The following CDH18 variants were observed in gnomAD, a reference collection of about 807,000 sequenced individuals.
The protein encoded by CDH18 is cadherin-18.
In CDH18, 31 loss-of-function variants were observed where a neutral mutation model predicts 67.9. The ratio of observed to expected loss-of-function variants is 0.46; its 90% CI spans 0.34 to 0.62. The LOEUF is 0.62. Ranked by LOEUF, CDH18 falls within the 20% of genes least tolerant of loss-of-function variation. The pLI, the probability that CDH18 is intolerant of heterozygous loss-of-function variation, is 0.01. For missense variants in CDH18, 890 were observed against 975.5 expected, an observed-to-expected ratio of 0.91 and a Z score of 1.17; for synonymous variants, 362 against 347.2, an observed-to-expected ratio of 1.04 and a Z score of -0.48.
intron 2 of CDH18, among the ~76,000 whole-genome samples, chr5:19,912,812 G>C (rs1791297651): frequency 6.6e-6 from 1 of 152,112 alleles, no homozygotes; most frequent in South Asian, 2.1e-4. Context: ...CACAATAGGA[G>C]AGAGCAGGGC....
intron 1 of CDH18, among the ~76,000 whole-genome samples, chr5:20,289,191 T>C (rs2974589): frequency 0.5 from 76,198 of 151,696 alleles, 19,673 homozygotes; most frequent in East Asian, 0.7. Flanking sequence ...TAAATGTATA[T>C]TAGCTCACTT....
In CDH18 at chr5:20,284,324, C is replaced by T. The variant is rs190615176; in HGVS notation, c.-579-28819G>A. Among the ~76,000 whole-genome samples the T allele has an allele frequency of 1.8e-4, 27 of 151,926 alleles. No individual in the cohort carries two copies. The East Asian group carries it at 4.8e-3, about 27-fold the overall frequency. ...CACATTTAACCTGATGTGGTGCATG[C>T]CTGCATCAAAATATCTCGTGTAACC... is the stretch of plus-strand genomic sequence containing the variant. On this transcript the variant is annotated intron_variant, in intron 1 of 14. Transcript: ENST00000507958.
intron 2 of CDH18, among the ~76,000 whole-genome samples, chr5:19,896,375 A>G (rs558332880): frequency 6.6e-5 from 10 of 152,220 alleles, no homozygotes; most frequent in African/African-American, 2.4e-4. Context: ...AATAAATAAA[A>G]TAAAGAGCTT....
intron 2 of CDH18, among the ~76,000 whole-genome samples, chr5:20,172,240 G>GTATGTATACGTATATATATATGTA (rs1736878990): frequency 1.6e-5 from 1 of 64,128 alleles, no homozygotes; most frequent in African/African-American, 6.3e-5. Context: ...ATATATATAT[G>GTATGTATACGTATATATATATGTA]TATATATATA....
At chr5:19,529,867 C>A (rs975643299) in intron 9 of CDH18, among the ~76,000 whole-genome samples, 3 of 152,070 alleles carry the variant, frequency 2.0e-5, no homozygotes, top group African/African-American at 7.2e-5. Context: ...GGTGTCCATG[C>A]TCCCAAATTG....
intron 3 of CDH18, among the ~76,000 whole-genome samples, chr5:19,797,087 A>G (rs929622798): frequency 1.3e-5 from 2 of 152,046 alleles, no homozygotes; most frequent in African/African-American, 4.8e-5. Flanking sequence ...TAAAATAATT[A>G]GAGAAGGCAT....
In CDH18 at chr5:20,267,102, T is replaced by C. The variant is rs529182055; in HGVS notation, c.-579-11597A>G. Among the ~76,000 whole-genome samples, 27 of 152,316 alleles carry C rather than the reference T, an allele frequency of 1.8e-4. No homozygotes were observed. The South Asian group carries it at 5.2e-3, about 29-fold the overall frequency. On this transcript the variant is annotated intron_variant, in intron 1 of 14. Coordinates refer to the CDH18 transcript ENST00000507958. ...GGCAGTATTCATGGTTCAGATAGTT[T>C]AAAGAAAATGTGCAGAATTTATATA...
intron 2 of CDH18, among the ~76,000 whole-genome samples, chr5:19,954,885 C>T (rs188821717): frequency 1.6e-4 from 24 of 151,582 alleles, no homozygotes; most frequent in South Asian, 6.2e-4. Flanking sequence ...ACTGAAGATA[C>T]GACTGCACAA....
At chr5:19,554,242 A>G (rs1477542543) in intron 8 of CDH18, among the ~76,000 whole-genome samples, 1 of 152,174 alleles carries the variant, frequency 6.6e-6, no homozygotes, top group Non-Finnish European at 1.5e-5. Flanking sequence ...ATGCAATTAT[A>G]ATGTTTCTTC....
chr5:19,683,631 T>C (rs1760649212), intron 5 of CDH18, among the ~76,000 whole-genome samples: 1 of 152,076 alleles, frequency 6.6e-6, no homozygotes, highest in South Asian at 2.1e-4. Flanking sequence ...AATCTGATAA[T>C]GGGCATTTAT....
At chr5:19,962,395 A>AAAAAAAAAAAAAAAAAAAAT (rs58319680) in intron 2 of CDH18, among the ~76,000 whole-genome samples, 12 of 117,056 alleles carry the variant, frequency 1.0e-4, no homozygotes, top group Non-Finnish European at 1.2e-4. Flanking sequence ...AAAAAAAAAA[A>AAAAAAAAAAAAAAAAAAAAT]AGAAAATTCA....
rs563537010 is a variant in CDH18, at chr5:19,597,803, C to T, written c.812-6559G>A. Among the ~76,000 whole-genome samples, 102 of 152,230 alleles carry T rather than the reference C, an allele frequency of 6.7e-4. 4 individuals are homozygous for T. In the South Asian group the frequency reaches 0.018, roughly 28 times the overall value. On this transcript the variant is annotated intron_variant, in intron 6 of 12. Coordinates refer to ENST00000382275, the MANE Select transcript of CDH18 (RefSeq NM_004934.5). ...GAACCATGATCATCCCCTTATATAA[C>T]TTAAAAATATTAATGTAATGTGTTT...
In CDH18 at chr5:20,413,010, G is replaced by A. The variant is rs184242607; in HGVS notation, c.-579-157505C>T. Among the ~76,000 whole-genome samples, 420 of 152,232 alleles carry A rather than the reference G, an allele frequency of 2.8e-3. 5 individuals are homozygous for A. Among genetic ancestry groups the A allele is most frequent in the African/African-American group, 9.6e-3 (399 of 41,546 alleles). On this transcript the variant is annotated intron_variant, in intron 1 of 14. Transcript: ENST00000507958. ...CCGGTGTGTGATGCTCCCGCCCTGC[G>A]TCCAAGTGTTCTCATTGTTCAATTC...
rs377032850 is a variant in CDH18 at position 20,228,609 on chromosome 5, A to G, written c.-518+26835T>C. Among the ~76,000 whole-genome samples the G allele has an allele frequency of 2.6e-5, 4 of 152,154 alleles. No individual in the cohort carries two copies. In the East Asian group the frequency reaches 5.8e-4, roughly 22 times the overall value. On this transcript the variant is annotated intron_variant, in intron 2 of 14. Transcript: ENST00000507958. ...ACTGAAATTTTGTGTTCTATGACCA[A>G]CATCTCACCAACCCCTCTCTCTGCT...
At chr5:19,985,021 T>C (rs1305033838) in intron 1 of CDH18, among the ~76,000 whole-genome samples, 3 of 152,144 alleles carry the variant, frequency 2.0e-5, no homozygotes, top group African/African-American at 7.2e-5. Context: ...AGAACCAGTA[T>C]CTTTATTTAT....
intron 7 of CDH18, among the ~76,000 whole-genome samples, chr5:19,582,396 G>C (rs796733920): frequency 1.3e-5 from 2 of 152,004 alleles, no homozygotes; most frequent in African/African-American, 4.8e-5. Context: ...CAATCAATTA[G>C]CTTTCAATGA....
In CDH18 at chr5:20,229,247, A is replaced by T. The variant is rs531017684; in HGVS notation, c.-518+26197T>A. ...TTATATGTTGTTTACTGAAGTCAAT[A>T]AAAGATTATTTTTGATGCACTGTGT... On this transcript the variant is annotated intron_variant, in intron 2 of 14. Coordinates refer to the CDH18 transcript ENST00000507958. Among the ~76,000 whole-genome samples the T allele has an allele frequency of 3.9e-4, 59 of 152,260 alleles. 1 individual carries two copies. The highest frequency in any genetic ancestry group is 1.3e-3 in the African/African-American group (56 of 41,572).
intron 1 of CDH18, among the ~76,000 whole-genome samples, chr5:20,535,489 A>G (rs1485917743): frequency 6.6e-6 from 1 of 152,066 alleles, no homozygotes; most frequent in Non-Finnish European, 1.5e-5. Flanking sequence ...AACATCCATA[A>G]CTTTATTTCC....
chr5:20,021,836 T>C lies in CDH18; in HGVS notation c.-517-29822A>G, dbSNP rs192063154. Among the ~76,000 whole-genome samples the C allele has an allele frequency of 2.6e-5, 4 of 152,330 alleles. No homozygotes were observed. The East Asian group carries it at 7.7e-4, about 29-fold the overall frequency. ...ACACATGTAATCTCTATAAACATTC[T>C]AATAAAATGGAAAATAATATCATAG... is the stretch of plus-strand genomic sequence containing the variant. On this transcript the variant is annotated intron_variant, in intron 2 of 14. Transcript: ENST00000507958.
Sources: allele counts gnomAD v4.1 joint callset (sites outside exome capture counted in the v4.1 genomes callset), GRCh38; gene constraint gnomAD v4.1.1; transcripts MANE v1.5; gene names NCBI Gene and HGNC (gene_info 2026-07-23, HGNC 2026-07-21).